COL18A1: variants seen among roughly 807,000 people sequenced by gnomAD.
COL18A1 encodes collagen type XVIII alpha 1 chain, also known as collagen alpha-1(XVIII) chain.
Under a neutral mutation model 168.0 loss-of-function variants are expected in COL18A1, and 133 were observed. The observed-to-expected ratio is 0.79, with a 90% CI of 0.69 to 0.91. The LOEUF (loss-of-function observed/expected upper bound fraction) is 0.91. COL18A1 is among the 40% of genes least tolerant of loss of function. COL18A1 has a pLI of 0.00. For synonymous variants in COL18A1, 949 were observed against 809.0 expected, an observed-to-expected ratio of 1.17 and a Z score of -2.94; for missense variants, 2,126 against 1,925.4, an observed-to-expected ratio of 1.10 and a Z score of -1.95.
rs1171486068 is a variant in COL18A1, at chr21:45,463,881, G to A, written c.107-4361G>A. ...CACTGTACTCCAGCCTGGGCAACAA[G>A]AGCGAAACTCCATCTAAAAAAAAAA... is the stretch of plus-strand genomic sequence containing the variant. On this transcript the variant is annotated intron_variant, in intron 2 of 41. Coordinates refer to ENST00000651438, the MANE Select transcript of COL18A1 (RefSeq NM_001379500.1). This position sits in a 1 kb window ranked among gnomAD's most constrained non-coding sequence, Gnocchi z 4.0. Among the ~76,000 whole-genome samples, 2 of 151,264 alleles carry A rather than the reference G, an allele frequency of 1.3e-5. No homozygotes were observed. Among genetic ancestry groups the A allele is most frequent in the African/African-American group, 4.9e-5 (2 of 40,976 alleles).
At chr21:45,456,460 C>T (rs1370126426) in intron 2 of COL18A1, 5 of 1,545,224 alleles carry the variant, frequency 3.2e-6, no homozygotes, top group Non-Finnish European at 4.4e-6. Context: ...ACGTGGCTAA[C>T]TCTGTGGGGC....
chr21:45,504,521 GGC>G lies in COL18A1; in HGVS notation c.2834_2835del (p.Gly945AlafsTer141). On this transcript the variant is annotated frameshift_variant, in exon 34 of 42. Coordinates refer to ENST00000651438, the MANE Select transcript of COL18A1 (RefSeq NM_001379500.1). LOFTEE classifies it high-confidence loss of function. ...CCTGCCCGGCCCCCCCGGCCCCCCA[GGC>G]CCCCCAGGCCCACGTGGCTACCCTG... The part of the protein sequence containing the change: ...SSLPGPPGPP[G>X]PPGPRGYPGI... 7.4e-7 allele frequency: 1 copy of G among 1,348,998 alleles called. No homozygotes were observed. Among genetic ancestry groups the G allele is most frequent in the Non-Finnish European group, 9.7e-7 (1 of 1,031,658 alleles). The allele number at this position is 1,348,998 out of a possible 1,614,324, so 83.6% of individuals were successfully genotyped here.
At position 45,489,470 on chromosome 21, in the gene COL18A1, C is replaced by T. The variant is rs2036223219; in HGVS notation, c.1924-16C>T. 1.3e-6 allele frequency: 2 copies of T among 1,590,446 alleles called. No homozygotes were observed. The highest frequency in any genetic ancestry group is 1.7e-6 in the Non-Finnish European group (2 of 1,166,762). On this transcript the variant is annotated splice_polypyrimidine_tract_variant and intron_variant, in intron 18 of 41. Coordinates refer to ENST00000651438, the MANE Select transcript of COL18A1 (RefSeq NM_001379500.1). ...TGGCCCCAGCAGGTGCTCACGGAGCCCCTTTTTTCACTTAGGGGGATCCTG... is the reference window on the plus strand; with the variant it reads ...TGGCCCCAGCAGGTGCTCACGGAGCTCCTTTTTTCACTTAGGGGGATCCTG...
At chr21:45,421,416 C>T (rs766138110) in intron 2 of COL18A1, 24 of 534,296 alleles carry the variant, frequency 4.5e-5, no homozygotes, top group South Asian at 2.9e-4. Context: ...AGAGTCCGCC[C>T]GTGTGGAAGT....
In COL18A1 at chr21:45,455,793, A is replaced by G. The variant is rs752886739; in HGVS notation, c.107-12449A>G. The G allele has an allele frequency of 6.2e-6, 10 of 1,613,486 alleles. No individual in the cohort carries two copies. In the African/African-American group the frequency reaches 1.1e-4, roughly 17 times the overall value. On this transcript the variant is annotated intron_variant, in intron 2 of 41. Coordinates refer to ENST00000651438, the MANE Select transcript of COL18A1 (RefSeq NM_001379500.1). The stretch of plus-strand genomic sequence containing the variant: ...CCTGAGCCACCCTCAGAGCTGCTGG[A>G]AGATGGCCAGGACACCCCCACTTCT...
chr21:45,434,732 A>G (rs939971941), intron 2 of COL18A1, among the ~76,000 whole-genome samples: 2 of 152,114 alleles, frequency 1.3e-5, no homozygotes, highest in African/African-American at 4.8e-5. Context: ...ATCTGGGCTG[A>G]CTGGCAGTGG....
At chr21:45,413,946 T>C (rs1174157975) in intron 2 of COL18A1, among the ~76,000 whole-genome samples, 1 of 152,126 alleles carries the variant, frequency 6.6e-6, no homozygotes, top group African/African-American at 2.4e-5. Context: ...GGAGGCGTCT[T>C]CTAGTATAAA....
In COL18A1 at chr21:45,503,949, A is replaced by C. The variant is rs1041653114; in HGVS notation, c.2684-62A>C. The C allele has an allele frequency of 6.9e-6, 11 of 1,597,392 alleles. No individual in the cohort carries two copies. In the Admixed American group the frequency reaches 1.0e-4, roughly 15 times the overall value. ...CAAACCCACCAGTGCTGGGGGCTGC[A>C]GAGGGAACCCGGCGCTGTCAGACAC... On this transcript the variant is annotated intron_variant, in intron 32 of 41. Transcript: ENST00000651438.
chr21:45,435,752 C>T (rs191055529), intron 2 of COL18A1, among the ~76,000 whole-genome samples: 262 of 152,206 alleles, frequency 1.7e-3, no homozygotes, highest in African/African-American at 6.0e-3. Flanking sequence ...TGGGGCATCC[C>T]GAGTACCTAT....
intron 2 of COL18A1, chr21:45,456,364 C>T (rs956505177): frequency 1.9e-6 from 3 of 1,550,018 alleles, no homozygotes; most frequent in Non-Finnish European, 2.6e-6. Context: ...ACGCGGCCCC[C>T]TCCGCCTTCT....
In COL18A1 at chr21:45,405,206, C is replaced by A; in HGVS notation, c.-25C>A. On this transcript the variant is annotated 5_prime_UTR_variant, in exon 1 of 42. Coordinates refer to ENST00000651438, the MANE Select transcript of COL18A1 (RefSeq NM_001379500.1). ...CCGCGGCGGAGGAGGCAGCATCCCG[C>A]GGCGCTGACGGTCCTGGGGAGAGCA... The A allele has an allele frequency of 2.1e-5, 3 of 143,564 alleles. No homozygotes were observed. The highest frequency in any genetic ancestry group is 3.6e-5 in the Non-Finnish European group (3 of 84,190). The allele number at this position is 143,564 out of a possible 1,614,324, so 8.9% of individuals were successfully genotyped here.
Position 45,504,014 on chromosome 21 carries a change from A to C in COL18A1, c.2687A>C (p.Gln896Pro). 3.1e-6 allele frequency: 5 copies of C among 1,613,596 alleles called. No individual in the cohort carries two copies. Among genetic ancestry groups the C allele is most frequent in the South Asian group, 1.1e-5 (1 of 91,084 alleles). The change falls in exon 33 of 42, where the codon CAG becomes CCG. Residue 896 changes from glutamine (Q) to proline (P), a missense_variant. Gln to Pro is a moderately conservative substitution (Grantham distance 76). Transcript: ENST00000651438. ...CCCGCCTGTCTCTCTCTTGCAGGGC[A>C]GTTTCCGTTTGACTTTCTTCAGTTG... The part of the protein sequence containing the change: ...GEVGPPGPPG[Q>P]FPFDFLQLEA...
rs977272446 is a variant in COL18A1, at chr21:45,504,031, C to G, written c.2704C>G (p.Leu902Val). ...TGCAGGGCAGTTTCCGTTTGACTTT[C>G]TTCAGTTGGAGGCTGAAATGAAGGT... ...GPPGQFPFDF[L>V]QLEAEMKGEK... is the part of the protein sequence containing the mutation. The change falls in exon 33 of 42, where the codon CTT becomes GTT. Residue 902 changes from leucine to valine, a missense_variant. By Grantham distance (32) the Leu-to-Val change is conservative. Transcript: ENST00000651438. 3 of 1,610,864 alleles carry G rather than the reference C, an allele frequency of 1.9e-6. No homozygotes were observed. The East Asian group carries it at 6.7e-5, about 36-fold the overall frequency.
At chr21:45,460,491 C>T (rs971873908) in intron 2 of COL18A1, among the ~76,000 whole-genome samples, 1 of 152,186 alleles carries the variant, frequency 6.6e-6, no homozygotes, top group Admixed American at 6.5e-5. Context: ...TGGGAGGCCA[C>T]GGGAGTGCAC....
intron 24 of COL18A1, 57 bp downstream of exon 24, chr21:45,492,770 G>C: frequency 9.7e-7 from 1 of 1,028,376 alleles, no homozygotes; most frequent in Non-Finnish European, 1.4e-6. Flanking sequence ...GTCTCCACCT[G>C]GTAGCACAGA....
chr21:45,509,590 T>C lies in COL18A1; in HGVS notation c.3484T>C (p.Phe1162Leu). ...TSPPAHSHRDFQPVLHLVALN... is the reference protein window; with the variant it reads ...TSPPAHSHRDLQPVLHLVALN... ...CCCACCCGCCCACAGCCACCGCGAC[T>C]TCCAGCCGGTGGTGAGTGCCCCCCC... The change falls in exon 39 of 42, where the codon TTC becomes CTC. Residue 1162 changes from phenylalanine to leucine, a missense_variant. Coordinates refer to ENST00000651438, the MANE Select transcript of COL18A1 (RefSeq NM_001379500.1). 1 of 1,495,920 alleles carries C rather than the reference T, an allele frequency of 6.7e-7. No homozygotes were observed. The highest frequency in any genetic ancestry group is 8.9e-7 in the Non-Finnish European group (1 of 1,118,054). The allele number at this position is 1,495,920 out of a possible 1,614,324, so 92.7% of individuals were successfully genotyped here.
Position 45,423,318 on chromosome 21 carries a change from T to C in COL18A1, c.106+17845T>C, listed in dbSNP as rs1322106699. Reference sequence around the variant, plus strand: ...TGTTGGCTGGTCCACTTCCTGAGCGTTGGCCAGCTGCCCTTGCTGTGCTGG... The same window carrying C: ...TGTTGGCTGGTCCACTTCCTGAGCGCTGGCCAGCTGCCCTTGCTGTGCTGG... On this transcript the variant is annotated intron_variant, in intron 2 of 41. Transcript: ENST00000651438. This position sits in a 1 kb window ranked among gnomAD's most constrained non-coding sequence, Gnocchi z 4.0. Among the ~76,000 whole-genome samples, 2 of 152,210 alleles carry C rather than the reference T, an allele frequency of 1.3e-5. No individual in the cohort carries two copies. The highest frequency in any genetic ancestry group is 2.9e-5 in the Non-Finnish European group (2 of 68,028).
At chr21:45,418,016 C>A (rs767493826) in intron 2 of COL18A1, among the ~76,000 whole-genome samples, 1 of 152,216 alleles carries the variant, frequency 6.6e-6, no homozygotes, top group Admixed American at 6.5e-5. Flanking sequence ...CCGCAGGAAC[C>A]GAGAAGGGCA....
intron 3 of COL18A1, among the ~76,000 whole-genome samples, chr21:45,469,572 G>T (rs1382295432): frequency 6.6e-6 from 1 of 152,178 alleles, no homozygotes; most frequent in Non-Finnish European, 1.5e-5. Context: ...GGTTGGGGGG[G>T]TGGACAGATC....
Sources: allele counts gnomAD v4.1 joint callset (sites outside exome capture counted in the v4.1 genomes callset), GRCh38; gene constraint gnomAD v4.1.1; non-coding constraint Gnocchi (gnomAD v3.1); transcripts MANE v1.5; gene names NCBI Gene and HGNC (gene_info 2026-07-23, HGNC 2026-07-21).